Variants in LINGO2 observed in about 807,000 individuals in gnomAD.
LINGO2 encodes the protein leucine-rich repeat and immunoglobulin-like domain-containing nogo receptor-interacting protein 2.
LINGO2 carries 14 observed loss-of-function variants against 30.6 expected under a neutral mutation model. The observed-to-expected ratio is 0.46, with a 90% CI of 0.30 to 0.72. The LOEUF (loss-of-function observed/expected upper bound fraction) is 0.72. LINGO2 is among the 30% of genes least tolerant of loss of function. The pLI, the probability that LINGO2 is intolerant of heterozygous loss-of-function variation, is 0.07. For synonymous variants in LINGO2, 317 were observed against 288.5 expected (o/e 1.10, Z -1.00); for missense variants, 729 against 751.7 (o/e 0.97, Z 0.35).
chr9:28,302,155 G>A (rs1343996954), intron 3 of LINGO2, among the ~76,000 whole-genome samples: 1 of 152,146 alleles, frequency 6.6e-6, no homozygotes, highest in Non-Finnish European at 1.5e-5. Context: ...TCACTACAAA[G>A]CAGCCATATA....
the LINGO2 span, among the ~76,000 whole-genome samples, chr9:28,937,703 C>T: frequency 6.6e-6 from 1 of 152,144 alleles, no homozygotes. Flanking sequence ...AAGGAGACAG[C>T]CTTGCACCTT....
At chr9:28,754,727 T>C in the LINGO2 span, among the ~76,000 whole-genome samples, 1 of 151,602 alleles carries the variant, frequency 6.6e-6, no homozygotes, top group Admixed American at 6.6e-5. Context: ...ACCTCCCAGG[T>C]TCACACCATT....
chr9:28,800,540 T>C, the LINGO2 span, among the ~76,000 whole-genome samples: 1 of 152,082 alleles, frequency 6.6e-6, no homozygotes, highest in East Asian at 1.9e-4. Flanking sequence ...AGTCTACTTA[T>C]AATCAATTCT....
chr9:29,042,443 CT>C, the LINGO2 span, among the ~76,000 whole-genome samples: 5 of 151,992 alleles, frequency 3.3e-5, no homozygotes, highest in Non-Finnish European at 7.4e-5. Flanking sequence ...ATAATCCCAT[CT>C]GTCCTTCAGT....
the LINGO2 span, among the ~76,000 whole-genome samples, chr9:29,163,900 G>T: frequency 6.6e-6 from 1 of 152,070 alleles, no homozygotes; most frequent in Non-Finnish European, 1.5e-5. Context: ...ATCAAAGGAG[G>T]GAGTCTATTT....
the LINGO2 span, among the ~76,000 whole-genome samples, chr9:28,903,047 T>C: frequency 5.3e-5 from 8 of 150,758 alleles, no homozygotes; most frequent in African/African-American, 1.9e-4. Context: ...AAATAAAATA[T>C]AGACTAGAAA....
chr9:28,185,646 T>A (rs1237174654), intron 4 of LINGO2, among the ~76,000 whole-genome samples: 2 of 152,184 alleles, frequency 1.3e-5, no homozygotes, highest in Non-Finnish European at 2.9e-5. Flanking sequence ...GAAATAGGAC[T>A]GCAAAAATAT....
At chr9:28,275,303 G>T (rs976125476) in intron 4 of LINGO2, among the ~76,000 whole-genome samples, 17 of 151,960 alleles carry the variant, frequency 1.1e-4, no homozygotes, top group Admixed American at 1.3e-4. Flanking sequence ...TCGACCTCCT[G>T]ACCTCATGAT....
chr9:28,808,012 C>T, the LINGO2 span, among the ~76,000 whole-genome samples: 1 of 152,144 alleles, frequency 6.6e-6, no homozygotes, highest in Non-Finnish European at 1.5e-5. Flanking sequence ...ACACATTGTA[C>T]AACTTTTAGC....
chr9:28,609,600 A>G (rs1309732639), intron 1 of LINGO2, among the ~76,000 whole-genome samples: 1 of 152,084 alleles, frequency 6.6e-6, no homozygotes, highest in African/African-American at 2.4e-5. Flanking sequence ...GATATACACA[A>G]TGCAGAGATC....
At chr9:28,821,034 T>C in the LINGO2 span, among the ~76,000 whole-genome samples, 4 of 152,352 alleles carry the variant, frequency 2.6e-5, no homozygotes, top group African/African-American at 9.6e-5. Flanking sequence ...ACAGCTAGAA[T>C]TTTAACATGC....
chr9:29,212,533 G>C, the LINGO2 span, among the ~76,000 whole-genome samples: 2 of 152,122 alleles, frequency 1.3e-5, no homozygotes, highest in Non-Finnish European at 2.9e-5. Context: ...CCGCGTCCTA[G>C]TTGCGTTCAC....
the LINGO2 span, among the ~76,000 whole-genome samples, chr9:29,087,933 T>C: frequency 1.3e-5 from 2 of 152,116 alleles, no homozygotes; most frequent in African/African-American, 4.8e-5. Context: ...AGATTAAGTG[T>C]ATGGTTAAAT....
the LINGO2 span, among the ~76,000 whole-genome samples, chr9:28,992,725 C>G: frequency 5.9e-5 from 9 of 152,220 alleles, no homozygotes; most frequent in African/African-American, 2.2e-4. Context: ...CAAAACCACT[C>G]AACTACATGG....
intron 1 of LINGO2, among the ~76,000 whole-genome samples, chr9:28,647,524 C>A (rs1827894176): frequency 6.6e-6 from 1 of 151,984 alleles, no homozygotes; most frequent in Non-Finnish European, 1.5e-5. Context: ...TTATTTCCTA[C>A]TACCTCCCAA....
At chr9:28,465,610 A>G (rs1187142491) in intron 2 of LINGO2, among the ~76,000 whole-genome samples, 1 of 152,138 alleles carries the variant, frequency 6.6e-6, no homozygotes, top group Non-Finnish European at 1.5e-5. Flanking sequence ...CTTCCTGTTC[A>G]TATCAATATC....
At chr9:28,641,027 T>C (rs2135934005) in intron 1 of LINGO2, among the ~76,000 whole-genome samples, 1 of 151,998 alleles carries the variant, frequency 6.6e-6, no homozygotes, top group East Asian at 1.9e-4. Context: ...TTCCTGTTGG[T>C]TAGTTTTCCT....
chr9:28,618,454 C>G (rs551223510), intron 1 of LINGO2, among the ~76,000 whole-genome samples: 1 of 152,264 alleles, frequency 6.6e-6, no homozygotes, highest in South Asian at 2.1e-4. Flanking sequence ...TAATTTTCCT[C>G]CATACAATTC....
At chr9:28,355,688 A>G (rs1820175135) in intron 3 of LINGO2, among the ~76,000 whole-genome samples, 1 of 152,120 alleles carries the variant, frequency 6.6e-6, no homozygotes, top group Non-Finnish European at 1.5e-5. Context: ...AGCAGGCTCC[A>G]GGAGGGTTCA....
Sources: gnomAD v4.1 joint callset for allele counts (sites outside exome capture counted in the v4.1 genomes callset) on GRCh38, gnomAD v4.1.1 for gene constraint, MANE v1.5 for transcripts, NCBI Gene and HGNC (gene_info 2026-07-23, HGNC 2026-07-21) for gene names.